Variants in CRPPA observed in about 807,000 individuals in gnomAD.
CRPPA encodes the protein D-ribitol-5-phosphate cytidylyltransferase.
In CRPPA, 43 loss-of-function variants were observed where a neutral mutation model predicts 52.0. The observed-to-expected ratio is 0.83, with a 90% confidence interval of 0.65 to 1.07. CRPPA has a LOEUF of 1.07. Among genes scored for constraint, CRPPA ranks in the 50% least tolerant of loss-of-function variants. The probability of loss-of-function intolerance (pLI) is 0.00; values close to 1 mark genes in which losing one functional copy is unlikely to be tolerated. For missense variants in CRPPA, 629 were observed against 551.7 expected (o/e 1.14, Z -1.40); for synonymous variants, 250 against 203.5 (o/e 1.23, Z -1.94).
chr7:16,413,030 C>A (rs1328865518), intron 1 of CRPPA, among the ~76,000 whole-genome samples: 1 of 152,166 alleles, frequency 6.6e-6, no homozygotes, highest in South Asian at 2.1e-4. Flanking sequence ...TCTGAAAGCC[C>A]TCTCATCTAG....
chr7:16,295,749 A>C (rs1378912697), intron 5 of CRPPA, among the ~76,000 whole-genome samples: 5 of 152,092 alleles, frequency 3.3e-5, no homozygotes, highest in Admixed American at 3.3e-4. Flanking sequence ...GTATGTTACC[A>C]CTGGCATCTG....
At chr7:16,202,670 A>G (rs140927791) in intron 9 of CRPPA, among the ~76,000 whole-genome samples, 36 of 152,352 alleles carry the variant, frequency 2.4e-4, no homozygotes, top group African/African-American at 8.7e-4. Context: ...CTTGAGTGAA[A>G]GATGGGCAGG....
intron 8 of CRPPA, among the ~76,000 whole-genome samples, chr7:16,239,668 C>T (rs1783054696): frequency 6.7e-6 from 1 of 150,054 alleles, no homozygotes. Flanking sequence ...GGGCTACGAT[C>T]AATGTGAAAT....
At chr7:16,129,467 C>T (rs1320732811) in intron 9 of CRPPA, among the ~76,000 whole-genome samples, 1 of 152,100 alleles carries the variant, frequency 6.6e-6, no homozygotes. Context: ...ATCCATCCAT[C>T]TTAGGCTCTC....
At chr7:16,267,091 T>C (rs1484642961) in intron 6 of CRPPA, among the ~76,000 whole-genome samples, 2 of 152,176 alleles carry the variant, frequency 1.3e-5, no homozygotes, top group African/African-American at 2.4e-5. Context: ...ACAAATCCTA[T>C]CTGTCTTAAT....
intron 8 of CRPPA, among the ~76,000 whole-genome samples, chr7:16,258,046 C>T (rs1378018822): frequency 6.6e-6 from 1 of 151,992 alleles, no homozygotes; most frequent in African/African-American, 2.4e-5. Context: ...GAATGCTTCC[C>T]TAATGGTATT....
chr7:16,283,487 G>A (rs886217544), intron 5 of CRPPA, among the ~76,000 whole-genome samples: 7 of 148,182 alleles, frequency 4.7e-5, no homozygotes, highest in South Asian at 2.1e-4. Context: ...GTATAGATAC[G>A]TAGATCTATA....
At chr7:16,236,869 C>G (rs1422584562) in intron 8 of CRPPA, among the ~76,000 whole-genome samples, 1 of 151,950 alleles carries the variant, frequency 6.6e-6, no homozygotes, top group African/African-American at 2.4e-5. Flanking sequence ...CCCTGGAACT[C>G]TATTAAAATT....
chr7:16,415,539 A>T (rs774759376), intron 1 of CRPPA, among the ~76,000 whole-genome samples: 5 of 151,946 alleles, frequency 3.3e-5, no homozygotes, highest in Admixed American at 6.6e-5. Context: ...TCATTGTTCT[A>T]CCCCACCTCC....
chr7:16,209,002 C>A (rs1036232098), intron 9 of CRPPA: 5 of 423,902 alleles, frequency 1.2e-5, no homozygotes, highest in Admixed American at 2.3e-5. Context: ...CAAGCACCAA[C>A]CCCATGAAGT....
intron 9 of CRPPA, among the ~76,000 whole-genome samples, chr7:16,201,187 C>A (rs751084218): frequency 6.6e-6 from 1 of 152,118 alleles, no homozygotes; most frequent in Non-Finnish European, 1.5e-5. Context: ...AAATTTGTTG[C>A]ATTTACATTG....
At chr7:16,386,465 C>A (rs1165250005) in intron 2 of CRPPA, among the ~76,000 whole-genome samples, 1 of 152,120 alleles carries the variant, frequency 6.6e-6, no homozygotes, top group Non-Finnish European at 1.5e-5. Context: ...GAGGATGGGG[C>A]CTTTGCCAGT....
At chr7:16,142,120 G>A (rs911647437) in intron 9 of CRPPA, among the ~76,000 whole-genome samples, 3 of 152,070 alleles carry the variant, frequency 2.0e-5, no homozygotes, top group East Asian at 1.9e-4. Context: ...AAACAAGAAC[G>A]GATATAAAGG....
At chr7:16,106,844 T>C (rs985187407) in intron 9 of CRPPA, among the ~76,000 whole-genome samples, 1 of 151,966 alleles carries the variant, frequency 6.6e-6, no homozygotes. Flanking sequence ...AGAATAATAC[T>C]CAAAAAAGTT....
rs12539174 is a variant in CRPPA, at chr7:16,087,672, G to A, written c.*4023C>T. 6.6e-6 allele frequency: 1 copy of A among 151,648 alleles called. No homozygotes were observed. The highest frequency in any genetic ancestry group is 1.5e-5 in the Non-Finnish European group (1 of 67,884). 9.4% of individuals were successfully genotyped at this position (151,648 alleles called of 1,614,324 possible). A position where few individuals can be genotyped will look rare whatever the true frequency, so the allele number is the denominator to read the frequency against. On this transcript the variant is annotated 3_prime_UTR_variant, in exon 10 of 10. Coordinates refer to ENST00000407010, the MANE Select transcript of CRPPA (RefSeq NM_001101426.4). ...GAAATTAATAAGAACATATATAAAT[G>A]CAACTATAATGCCAACCACCACCTA...
intron 3 of CRPPA, among the ~76,000 whole-genome samples, chr7:16,325,549 C>G (rs750557746): frequency 6.6e-6 from 1 of 152,142 alleles, no homozygotes; most frequent in Non-Finnish European, 1.5e-5. Context: ...TCTCAAAACA[C>G]TCCTGAAAGA....
intron 6 of CRPPA, among the ~76,000 whole-genome samples, chr7:16,265,199 T>A (rs745481151): frequency 6.6e-6 from 1 of 152,152 alleles, no homozygotes; most frequent in African/African-American, 2.4e-5. Flanking sequence ...ATCATAACAG[T>A]GGCCTTCCAC....
At chr7:16,397,937 C>A (rs1463477296) in intron 2 of CRPPA, among the ~76,000 whole-genome samples, 2 of 152,200 alleles carry the variant, frequency 1.3e-5, no homozygotes, top group Non-Finnish European at 2.9e-5. Flanking sequence ...AGGTGATTGA[C>A]ACGTGATTGA....
intron 9 of CRPPA, among the ~76,000 whole-genome samples, chr7:16,127,869 T>A (rs1782608946): frequency 6.6e-6 from 1 of 152,214 alleles, no homozygotes; most frequent in Admixed American, 6.5e-5. Context: ...TTAGTATTCT[T>A]ACAATGAATT....
Sources: gnomAD v4.1 joint callset for allele counts (sites outside exome capture counted in the v4.1 genomes callset) on GRCh38, gnomAD v4.1.1 for gene constraint, MANE v1.5 for transcripts, NCBI Gene and HGNC (gene_info 2026-07-23, HGNC 2026-07-21) for gene names.